Variants in PAMR1 observed in about 807,000 individuals in gnomAD.
PAMR1 encodes the protein inactive serine protease PAMR1.
Under a neutral mutation model 81.8 loss-of-function variants are expected in PAMR1, and 88 were observed. The observed-to-expected ratio is 1.08, with a 90% confidence interval of 0.91 to 1.28. The LOEUF (loss-of-function observed/expected upper bound fraction) is 1.28, where lower values mean the gene tolerates loss of function less well. Among genes scored for constraint, PAMR1 ranks in the 50% most tolerant of loss-of-function variants. The pLI is 0.00. For synonymous variants in PAMR1, 336 were observed against 345.3 expected, an observed-to-expected ratio of 0.97 and a Z score of 0.30; for missense variants, 935 against 919.7, an observed-to-expected ratio of 1.02 and a Z score of -0.21.
upstream of PAMR1, among the ~76,000 whole-genome samples, chr11:35,527,611 AGTCCTG>A (rs1443103580): frequency 6.6e-6 from 1 of 152,202 alleles, no homozygotes; most frequent in African/African-American, 2.4e-5. Context: ...CTGGCCAACC[AGTCCTG>A]GTCCTTTGGT....
At chr11:35,501,338 GC>G (rs1850836856) in intron 1 of PAMR1, among the ~76,000 whole-genome samples, 1 of 151,566 alleles carries the variant, frequency 6.6e-6, no homozygotes, top group Admixed American at 6.6e-5. Flanking sequence ...TCATCATGTG[GC>G]CCAGGCTGGT....
At position 35,505,973 on chromosome 11, in the gene PAMR1, G is replaced by A. The variant is rs553773742; in HGVS notation, c.74-11701C>T. 1.6e-3 allele frequency among the ~76,000 whole-genome samples: 236 copies of A among 151,212 alleles called. 2 individuals carry two copies. Among genetic ancestry groups the A allele is most frequent in the Non-Finnish European group, 2.4e-3 (160 of 67,732 alleles). On this transcript the variant is annotated intron_variant, in intron 1 of 10. Transcript: ENST00000619888. Reference sequence around the variant, plus strand: ...TCCTTTGTGGTTAAGGGTTATTCTCGGGTAGTATGTTTGAATTCATTGCTT... The same window carrying A: ...TCCTTTGTGGTTAAGGGTTATTCTCAGGTAGTATGTTTGAATTCATTGCTT...
intron 1 of PAMR1, among the ~76,000 whole-genome samples, chr11:35,520,614 C>T (rs1340882388): frequency 6.6e-6 from 1 of 152,152 alleles, no homozygotes; most frequent in Non-Finnish European, 1.5e-5. Flanking sequence ...ATTTCCCTCC[C>T]CTTTAAAATA....
chr11:35,467,537 C>A (rs1015262609), intron 6 of PAMR1, among the ~76,000 whole-genome samples: 3 of 152,194 alleles, frequency 2.0e-5, no homozygotes, highest in African/African-American at 7.2e-5. Flanking sequence ...AAAGAGGATG[C>A]TATTAATAAT....
chr11:35,514,831 C>T (rs1292756743), intron 1 of PAMR1, among the ~76,000 whole-genome samples: 1 of 152,048 alleles, frequency 6.6e-6, no homozygotes, highest in African/African-American at 2.4e-5. Flanking sequence ...ACCACACCCC[C>T]TGGTTTCTAC....
At chr11:35,524,639 G>C (rs546018222) in intron 1 of PAMR1, among the ~76,000 whole-genome samples, 2 of 152,192 alleles carry the variant, frequency 1.3e-5, no homozygotes, top group African/African-American at 2.4e-5. Context: ...TGTACATCTC[G>C]GCCTGCCCTC....
At chr11:35,521,902 C>T (rs1338278818) in intron 1 of PAMR1, among the ~76,000 whole-genome samples, 2 of 151,718 alleles carry the variant, frequency 1.3e-5, no homozygotes, top group African/African-American at 4.9e-5. Context: ...CCTTTCAAAT[C>T]GTTTTTTGTT....
At position 35,434,792 on chromosome 11, in the gene PAMR1, A is replaced by G. The variant is rs901473900; in HGVS notation, c.1346T>C (p.Ile449Thr). 6.2e-7 allele frequency: 1 copy of G among 1,612,392 alleles called. No individual in the cohort carries two copies. Among genetic ancestry groups the G allele is most frequent in the African/African-American group, 1.3e-5 (1 of 74,840 alleles). The change falls in exon 10 of 11, where the codon ATT becomes ACT. Residue 449 changes from isoleucine (I) to threonine (T), a missense_variant. Coordinates refer to ENST00000619888, the MANE Select transcript of PAMR1 (RefSeq NM_001001991.3). ...GGTCTTTGGAGCAGTGATGTTCTCAATTTTCCCGCAGACTATGGAGAAAGT... is the reference window on the plus strand; with the variant it reads ...GGTCTTTGGAGCAGTGATGTTCTCAGTTTTCCCGCAGACTATGGAGAAAGT... ...APSCIPICGK[I>T]ENITAPKTQG...
At chr11:35,459,206 C>T (rs1856599711) in intron 6 of PAMR1, among the ~76,000 whole-genome samples, 2 of 152,186 alleles carry the variant, frequency 1.3e-5, no homozygotes, top group South Asian at 2.1e-4. Context: ...CTATGTCTTT[C>T]GGATACCACT....
At chr11:35,455,150 T>C (rs1856502127) in intron 6 of PAMR1, among the ~76,000 whole-genome samples, 2 of 152,184 alleles carry the variant, frequency 1.3e-5, no homozygotes, top group African/African-American at 4.8e-5. Context: ...ATACTCGACA[T>C]AAAAGTAGCT....
rs760519296 is a variant in PAMR1, at chr11:35,441,558, T to C, written c.956A>G (p.Tyr319Cys). ...TVVSFFCNNS[Y>C]VLSGNEKRTC... ...TCTTTTCTCATTGCCACTAAGAACA[T>C]AGGAGTTGTTACAAAAGAAAGACAC... The change falls in exon 7 of 11, where the codon TAT becomes TGT. Residue 319 changes from tyrosine to cysteine, a missense_variant. Tyr to Cys is a radical substitution (Grantham distance 194, BLOSUM62 -2). Transcript: ENST00000619888. 1.8e-5 allele frequency: 29 copies of C among 1,613,788 alleles called. No individual in the cohort carries two copies. Among genetic ancestry groups the C allele is most frequent in the South Asian group, 5.5e-5 (5 of 91,084 alleles).
chr11:35,500,170 G>A (rs924913162), intron 1 of PAMR1, among the ~76,000 whole-genome samples: 7 of 152,172 alleles, frequency 4.6e-5, no homozygotes, highest in African/African-American at 1.7e-4. Context: ...ACGGCTGGAA[G>A]GTAATACATG....
rs1023322642 is a variant in PAMR1, at chr11:35,446,225, C to T, written c.821-4532G>A. On this transcript the variant is annotated intron_variant, in intron 6 of 10. Transcript: ENST00000619888. ...GTCTATTTGATTCTTTAATTAGTCT[C>T]TCTTTTCTTCTTTATTAATCTAGCT... 5.9e-5 allele frequency among the ~76,000 whole-genome samples: 9 copies of T among 152,130 alleles called. No individual in the cohort carries two copies. The South Asian group carries it at 1.7e-3, about 28-fold the overall frequency.
intron 6 of PAMR1, among the ~76,000 whole-genome samples, chr11:35,453,987 CT>C (rs1856474097): frequency 6.6e-6 from 1 of 152,172 alleles, no homozygotes; most frequent in African/African-American, 2.4e-5. Flanking sequence ...AGGTGCATTT[CT>C]CTGGGATATT....
intron 6 of PAMR1, among the ~76,000 whole-genome samples, chr11:35,464,990 T>A (rs7128765): frequency 0.28 from 42,617 of 152,134 alleles, 6,081 homozygotes; most frequent in Admixed American, 0.34. Context: ...GACTCGCTAA[T>A]GGGACATGAT....
At chr11:35,494,490 C>G (rs1850688715) in intron 1 of PAMR1, among the ~76,000 whole-genome samples, 1 of 152,190 alleles carries the variant, frequency 6.6e-6, no homozygotes, top group South Asian at 2.1e-4. Flanking sequence ...CCCACCACTA[C>G]GCCAGGCTAA....
intron 3 of PAMR1, among the ~76,000 whole-genome samples, chr11:35,476,719 A>G (rs2135384590): frequency 6.6e-6 from 1 of 152,286 alleles, no homozygotes. Flanking sequence ...TAAATTAATC[A>G]GATCACATTA....
At chr11:35,449,665 G>A (rs1856371511) in intron 6 of PAMR1, among the ~76,000 whole-genome samples, 1 of 152,174 alleles carries the variant, frequency 6.6e-6, no homozygotes, top group Admixed American at 6.5e-5. Context: ...TGCTGCCACT[G>A]GCCACAACCC....
chr11:35,456,592 C>T (rs1296279237), intron 6 of PAMR1, among the ~76,000 whole-genome samples: 1 of 152,160 alleles, frequency 6.6e-6, no homozygotes, highest in Non-Finnish European at 1.5e-5. Context: ...AACCAGGGCA[C>T]ATTTGTGTAG....
Sources: gnomAD v4.1 joint callset for allele counts (sites outside exome capture counted in the v4.1 genomes callset) on GRCh38, gnomAD v4.1.1 for gene constraint, MANE v1.5 for transcripts, NCBI Gene and HGNC (gene_info 2026-07-23, HGNC 2026-07-21) for gene names.